The following PPM1A variants were observed in gnomAD, a reference collection of about 807,000 sequenced individuals.
PPM1A encodes the protein protein phosphatase 1A.
PPM1A carries 7 observed loss-of-function variants against 35.0 expected under a neutral mutation model. That is an observed-to-expected ratio of 0.20 (90% CI 0.11 to 0.38). The LOEUF is 0.38. Among genes scored for constraint, PPM1A ranks in the 10% least tolerant of loss-of-function variants. PPM1A has a pLI of 1.00. For synonymous variants in PPM1A, 153 were observed against 167.3 expected, an observed-to-expected ratio of 0.91 and a Z score of 0.66; for missense variants, 239 against 467.8, an observed-to-expected ratio of 0.51 and a Z score of 4.51.
intron 1 of PPM1A, among the ~76,000 whole-genome samples, chr14:60,265,256 G>A (rs533768455): frequency 6.6e-6 from 1 of 152,304 alleles, no homozygotes; most frequent in South Asian, 2.1e-4. Flanking sequence ...GTAGCCCCAT[G>A]CAATGGTTAG....
At chr14:60,272,740 C>T (rs1371949122) in intron 1 of PPM1A, among the ~76,000 whole-genome samples, 1 of 148,084 alleles carries the variant, frequency 6.8e-6, no homozygotes. Flanking sequence ...TAAGTGTACA[C>T]TCAGATGCTC....
At chr14:60,284,458 A>C (rs1196894286) in intron 2 of PPM1A, among the ~76,000 whole-genome samples, 1 of 151,948 alleles carries the variant, frequency 6.6e-6, no homozygotes, top group Non-Finnish European at 1.5e-5. Context: ...TGGCTAACAC[A>C]GTGAAACCCC....
chr14:60,285,528 A>G lies in PPM1A; in HGVS notation c.835-96A>G, dbSNP rs1362917533. On this transcript the variant is annotated intron_variant, in intron 2 of 5. Transcript: ENST00000395076. ...TCCCTGAAAGTAACATTTTCACTAGAACAAGTATAACTGTAATTGGCACAG... is the reference window on the plus strand; with the variant it reads ...TCCCTGAAAGTAACATTTTCACTAGGACAAGTATAACTGTAATTGGCACAG... 3.1e-6 allele frequency: 4 copies of G among 1,284,752 alleles called. No individual in the cohort carries two copies. In the East Asian group the frequency reaches 9.4e-5, roughly 30 times the overall value. The allele number at this position is 1,284,752 out of a possible 1,614,324, so 79.6% of individuals were successfully genotyped here.
At chr14:60,264,923 T>C (rs954029919) in intron 1 of PPM1A, among the ~76,000 whole-genome samples, 8 of 152,194 alleles carry the variant, frequency 5.3e-5, no homozygotes, top group South Asian at 4.1e-4. Flanking sequence ...TGAAATTATT[T>C]TCAGATTGTC....
In PPM1A at chr14:60,283,707, T is replaced by C. The variant is rs991665229; in HGVS notation, c.834+170T>C. Among the ~76,000 whole-genome samples the C allele has an allele frequency of 6.6e-6, 1 of 152,220 alleles. No homozygotes were observed. The highest frequency in any genetic ancestry group is 1.5e-5 in the Non-Finnish European group (1 of 68,044). On this transcript the variant is annotated intron_variant, in intron 2 of 5. Coordinates refer to ENST00000395076, the MANE Select transcript of PPM1A (RefSeq NM_021003.5). This position sits in a 1 kb window ranked among gnomAD's most constrained non-coding sequence, Gnocchi z 6.3. ...CATAGGACCACTATGTAGAAATAAA[T>C]TACCCAATTACCATCTCTGCAAGAG...
In PPM1A at chr14:60,249,250, T is replaced by G. The variant is rs1434489411; in HGVS notation, c.-448T>G. On this transcript the variant is annotated 5_prime_UTR_variant, in exon 1 of 6. Transcript: ENST00000395076. The surrounding 1 kb of genome is among the most constrained non-coding windows in gnomAD (Gnocchi z 4.5). ...GCGGCGGCGGCGGCGGTGGCGGCGCTAGGGACGGGAGCGCGCGCGGGAGCT... is the reference window on the plus strand; with the variant it reads ...GCGGCGGCGGCGGCGGTGGCGGCGCGAGGGACGGGAGCGCGCGCGGGAGCT... 1 of 982,552 alleles carries G rather than the reference T, an allele frequency of 1.0e-6. No homozygotes were observed. The highest frequency in any genetic ancestry group is 1.8e-5 in the African/African-American group (1 of 54,744). 60.9% of individuals were successfully genotyped at this position (982,552 alleles called of 1,614,324 possible). A position where few individuals can be genotyped will look rare whatever the true frequency, so the allele number is the denominator to read the frequency against.
chr14:60,249,728 C>CGCGGCG lies in PPM1A; in HGVS notation c.-21+62_-21+67dup, dbSNP rs554279419. 1.6e-4 allele frequency: 157 copies of CGCGGCG among 968,496 alleles called. No homozygotes were observed. Among genetic ancestry groups the CGCGGCG allele is most frequent in the Non-Finnish European group, 1.8e-4 (149 of 816,104 alleles). The allele number at this position is 968,496 out of a possible 1,614,324, so 60.0% of individuals were successfully genotyped here. A position where few individuals can be genotyped will look rare whatever the true frequency, so the allele number is the denominator to read the frequency against. On this transcript the variant is annotated intron_variant, in intron 1 of 5. Transcript: ENST00000395076. This position sits in a 1 kb window ranked among gnomAD's most constrained non-coding sequence, Gnocchi z 4.5. ...CGGGCTGGCGGGCGGTGCGGGCCTGCGCGGCGGCGGCGGCGGGCAGGCCTG... is the reference window on the plus strand; with the variant it reads ...CGGGCTGGCGGGCGGTGCGGGCCTGCGCGGCGGCGGCGGCGGCGGCGGGCAGGCCTG...
intron 1 of PPM1A, chr14:60,277,171 G>A: frequency 2.6e-6 from 1 of 377,422 alleles, no homozygotes; most frequent in Non-Finnish European, 4.1e-6. Flanking sequence ...TACTATTTAT[G>A]GATATACGCC....
At chr14:60,287,180 C>G in intron 3 of PPM1A, 1 of 939,364 alleles carries the variant, frequency 1.1e-6, no homozygotes, top group Non-Finnish European at 1.3e-6. Flanking sequence ...TGCTACTTTT[C>G]TCTTTAGTGT....
chr14:60,264,593 T>G (rs766125994), intron 1 of PPM1A, among the ~76,000 whole-genome samples: 1 of 152,246 alleles, frequency 6.6e-6, no homozygotes, highest in Admixed American at 6.5e-5. Flanking sequence ...ATAGCTCCTC[T>G]TTGAAATACA....
chr14:60,253,236 C>G (rs553278403), intron 1 of PPM1A, among the ~76,000 whole-genome samples: 1 of 152,200 alleles, frequency 6.6e-6, no homozygotes, highest in African/African-American at 2.4e-5. Context: ...TGATTAGTTT[C>G]TGTGGCTGAT....
chr14:60,266,158 T>C (rs1167689381), intron 1 of PPM1A, among the ~76,000 whole-genome samples: 1 of 152,210 alleles, frequency 6.6e-6, no homozygotes, highest in Non-Finnish European at 1.5e-5. Context: ...GCTCCATATA[T>C]TTATTACCCA....
intron 3 of PPM1A, chr14:60,286,028 C>G: frequency 9.6e-7 from 1 of 1,046,906 alleles, no homozygotes; most frequent in South Asian, 4.4e-5. Flanking sequence ...TTAATGAATT[C>G]ACTGGCATGA....
chr14:60,251,804 T>C (rs894627252), intron 1 of PPM1A, among the ~76,000 whole-genome samples: 5 of 152,184 alleles, frequency 3.3e-5, no homozygotes, highest in African/African-American at 1.2e-4. Context: ...AGCTATTGAT[T>C]TTTCTTTTGG....
At chr14:60,249,079 A>C (rs963819348), upstream of PPM1A, among the ~76,000 whole-genome samples, 105 of 151,870 alleles carry the variant, frequency 6.9e-4, no homozygotes, top group Middle Eastern at 3.4e-3. The surrounding 1 kb of genome is among the most constrained non-coding windows in gnomAD (Gnocchi z 4.5). Flanking sequence ...CCCTCACCGC[A>C]GTTCCTGCCC....
chr14:60,290,641 C>A (rs1887533258), intron 4 of PPM1A, among the ~76,000 whole-genome samples: 1 of 152,118 alleles, frequency 6.6e-6, no homozygotes, highest in Non-Finnish European at 1.5e-5. Flanking sequence ...CAAGTGAAGA[C>A]TTCTTGTACT....
In PPM1A at chr14:60,295,291, C is replaced by CT. The variant is rs1887973931; in HGVS notation, c.*2812dup. 1 of 151,688 alleles carries CT rather than the reference C, an allele frequency of 6.6e-6. No individual in the cohort carries two copies. The highest frequency in any genetic ancestry group is 2.1e-4 in the South Asian group (1 of 4,828). 9.4% of individuals were successfully genotyped at this position (151,688 alleles called of 1,614,324 possible). A position where few individuals can be genotyped will look rare whatever the true frequency, so the allele number is the denominator to read the frequency against. ...ACAGGGTAGAATCTCCTAATTTCCA[C>CT]TTTCTTGGGAATATACTTTTATAGA... On this transcript the variant is annotated 3_prime_UTR_variant, in exon 6 of 6. Coordinates refer to ENST00000395076, the MANE Select transcript of PPM1A (RefSeq NM_021003.5).
At chr14:60,277,931 C>G (rs919487029) in intron 1 of PPM1A, among the ~76,000 whole-genome samples, 1 of 152,174 alleles carries the variant, frequency 6.6e-6, no homozygotes, top group African/African-American at 2.4e-5. Context: ...GCTCCCTCAT[C>G]CTAGTTAAGG....
chr14:60,249,524 C>A lies in PPM1A; in HGVS notation c.-174C>A. The A allele has an allele frequency of 1.0e-6, 1 of 985,062 alleles. No individual in the cohort carries two copies. The highest frequency in any genetic ancestry group is 4.6e-5 in the South Asian group (1 of 21,806). The allele number at this position is 985,062 out of a possible 1,614,324, so 61.0% of individuals were successfully genotyped here. On this transcript the variant is annotated 5_prime_UTR_variant, in exon 1 of 6. Coordinates refer to ENST00000395076, the MANE Select transcript of PPM1A (RefSeq NM_021003.5). This position sits in a 1 kb window ranked among gnomAD's most constrained non-coding sequence, Gnocchi z 4.5. The stretch of plus-strand genomic sequence containing the variant: ...GGCCCGGACGCAGCCCGGCTCCTCC[C>A]CTCCTCCGCCCCTTCCCCAGCCTGA...
Sources: allele counts gnomAD v4.1 joint callset (sites outside exome capture counted in the v4.1 genomes callset), GRCh38; gene constraint gnomAD v4.1.1; non-coding constraint Gnocchi (gnomAD v3.1); transcripts MANE v1.5; gene names NCBI Gene and HGNC (gene_info 2026-07-23, HGNC 2026-07-21).